The following KIAA2012 variants were observed in gnomAD, a reference collection of about 807,000 sequenced individuals.
KIAA2012 encodes the protein uncharacterized protein KIAA2012.
KIAA2012 carries 125 observed loss-of-function variants against 150.6 expected under a neutral mutation model. The ratio of observed to expected loss-of-function variants is 0.83; its 90% CI spans 0.72 to 0.96. The LOEUF (loss-of-function observed/expected upper bound fraction) is 0.96. KIAA2012 is among the 40% of genes least tolerant of loss of function. The pLI is 0.00. For missense variants in KIAA2012, 1,219 were observed against 1,354.9 expected (o/e 0.90, Z 1.57); for synonymous variants, 462 against 504.7 (o/e 0.92, Z 1.13).
chr2:202,133,130 A>ATATATATATATATTTTTTTTTTTTTT (rs1279080237), intron 12 of KIAA2012, among the ~76,000 whole-genome samples: 2 of 67,784 alleles, frequency 3.0e-5, no homozygotes, highest in Non-Finnish European at 2.9e-5. Context: ...ATATATATAT[A>ATATATATATATATTTTTTTTTTTTTT]TTTTTTTTTT....
chr2:202,204,774 T>C (rs954084154), intron 23 of KIAA2012, among the ~76,000 whole-genome samples: 2 of 152,192 alleles, frequency 1.3e-5, no homozygotes, highest in African/African-American at 4.8e-5. Context: ...AAACACTAGA[T>C]AGTATCAGTC....
Position 202,125,198 on chromosome 2 carries a change from T to A in KIAA2012, c.1763-16T>A. On this transcript the variant is annotated splice_polypyrimidine_tract_variant and intron_variant, in intron 11 of 23. Coordinates refer to ENST00000498697, the MANE Select transcript of KIAA2012 (RefSeq NM_001277372.4). Reference sequence around the variant, plus strand: ...CTTTTTCCCGCTCTCAGGTAAAATATCTTACTGTTTTTCAGCCTATGAATC... The same window carrying A: ...CTTTTTCCCGCTCTCAGGTAAAATAACTTACTGTTTTTCAGCCTATGAATC... 6.5e-7 allele frequency: 1 copy of A among 1,546,854 alleles called. No individual in the cohort carries two copies.
chr2:202,132,754 A>ATGTGTATATACTATATATGTATG (rs1553556827), intron 12 of KIAA2012, among the ~76,000 whole-genome samples: 5 of 106,256 alleles, frequency 4.7e-5, no homozygotes, highest in Non-Finnish European at 9.6e-5. Flanking sequence ...TATAGTATAT[A>ATGTGTATATACTATATATGTATG]TGTATATATA....
At chr2:202,186,009 T>C (rs1431491180) in intron 16 of KIAA2012, among the ~76,000 whole-genome samples, 2 of 151,996 alleles carry the variant, frequency 1.3e-5, no homozygotes, top group African/African-American at 4.8e-5. Flanking sequence ...AAAAATAAAA[T>C]AAAATGCCCA....
chr2:202,074,536 C>A (rs1468505938), intron 1 of KIAA2012, among the ~76,000 whole-genome samples: 1 of 152,170 alleles, frequency 6.6e-6, no homozygotes, highest in Non-Finnish European at 1.5e-5. Flanking sequence ...GCCAGCTAGT[C>A]CAGGTCTAAT....
chr2:202,127,314 T>G (rs1378250917), intron 12 of KIAA2012, among the ~76,000 whole-genome samples: 1 of 152,214 alleles, frequency 6.6e-6, no homozygotes, highest in Non-Finnish European at 1.5e-5. Context: ...CTTAAGATTC[T>G]GAAACTTCAG....
chr2:202,170,616 A>G (rs976336024), intron 15 of KIAA2012, among the ~76,000 whole-genome samples: 1 of 152,244 alleles, frequency 6.6e-6, no homozygotes, highest in African/African-American at 2.4e-5. Flanking sequence ...AGACAGCTCC[A>G]GTGAGTGGAG....
chr2:202,170,017 G>C (rs547731222), intron 15 of KIAA2012, among the ~76,000 whole-genome samples: 1 of 152,284 alleles, frequency 6.6e-6, no homozygotes, highest in African/African-American at 2.4e-5. Flanking sequence ...TCCAGGACTG[G>C]GGCGGGGCCT....
chr2:202,125,738 C>T, intron 12 of KIAA2012: 1 of 395,714 alleles, frequency 2.5e-6, no homozygotes, highest in East Asian at 7.9e-5. Flanking sequence ...TGCCTCTCCT[C>T]AGATTCCTTT....
chr2:202,140,180 A>T (rs1368439740), intron 13 of KIAA2012, among the ~76,000 whole-genome samples: 1 of 152,202 alleles, frequency 6.6e-6, no homozygotes, highest in Non-Finnish European at 1.5e-5. Flanking sequence ...ATGAGCCAAG[A>T]TCACTCCATT....
intron 14 of KIAA2012, 92 bp from the exon 15 acceptor site, chr2:202,165,192 C>G: frequency 4.1e-6 from 5 of 1,232,248 alleles, no homozygotes; most frequent in Non-Finnish European, 5.7e-6. Context: ...AACTGGCTTC[C>G]CTCTTACCAA....
intron 12 of KIAA2012, among the ~76,000 whole-genome samples, chr2:202,134,650 G>A (rs1296315216): frequency 6.6e-6 from 1 of 152,214 alleles, no homozygotes; most frequent in East Asian, 1.9e-4. Context: ...CGCCTCCTGG[G>A]TTCAAGTGAT....
At chr2:202,201,875 T>C in intron 22 of KIAA2012, 2 of 1,192,064 alleles carry the variant, frequency 1.7e-6, no homozygotes, top group Non-Finnish European at 1.3e-6. Context: ...GATATTGACC[T>C]TTGCTGTTCA....
At chr2:202,194,100 G>C (rs1487834503) in intron 20 of KIAA2012, 90 bp from the exon 21 acceptor site, 8 of 1,402,290 alleles carry the variant, frequency 5.7e-6, no homozygotes, top group Non-Finnish European at 7.7e-6. Context: ...GGGCTGCAGA[G>C]CCTCCCCCAT....
intron 22 of KIAA2012, chr2:202,201,734 C>A (rs545204359): frequency 2.0e-6 from 3 of 1,472,588 alleles, no homozygotes; most frequent in Admixed American, 3.3e-5. Flanking sequence ...CCCTGGGGTG[C>A]ACAAAGCTTG....
At chr2:202,143,911 C>T (rs1691249080) in intron 13 of KIAA2012, among the ~76,000 whole-genome samples, 1 of 152,118 alleles carries the variant, frequency 6.6e-6, no homozygotes, top group South Asian at 2.1e-4. Flanking sequence ...GCATAAAACT[C>T]TCATCCATCC....
At chr2:202,105,057 A>G (rs1347648820) in intron 8 of KIAA2012, among the ~76,000 whole-genome samples, 2 of 152,204 alleles carry the variant, frequency 1.3e-5, no homozygotes, top group African/African-American at 2.4e-5. Context: ...TTTACATGTC[A>G]TAAGGACCCT....
At position 202,190,453 on chromosome 2, in the gene KIAA2012, T is replaced by C; in HGVS notation, c.2771T>C (p.Met924Thr). 1 of 1,546,272 alleles carries C rather than the reference T, an allele frequency of 6.5e-7. No individual in the cohort carries two copies. ...PSQIATVTGNMESKEERRCED... is the reference protein window; with the variant it reads ...PSQIATVTGNTESKEERRCED... ...CAGATTGCAACTGTCACTGGCAACATGGAATCTAAAGAAGAGAGAAGATGT... is the reference window on the plus strand; with the variant it reads ...CAGATTGCAACTGTCACTGGCAACACGGAATCTAAAGAAGAGAGAAGATGT... The change falls in exon 19 of 24, where the codon ATG becomes ACG. Residue 924 changes from methionine to threonine, a missense_variant. By Grantham distance (81) the Met-to-Thr change is moderately conservative. Coordinates refer to ENST00000498697, the MANE Select transcript of KIAA2012 (RefSeq NM_001277372.4).
At chr2:202,108,623 G>C (rs893280932) in intron 9 of KIAA2012, among the ~76,000 whole-genome samples, 16 of 152,284 alleles carry the variant, frequency 1.1e-4, no homozygotes, top group Non-Finnish European at 2.1e-4. Flanking sequence ...CTCATAATGA[G>C]ATTCAGATCA....
Sources: gnomAD v4.1 joint callset for allele counts (sites outside exome capture counted in the v4.1 genomes callset) on GRCh38, gnomAD v4.1.1 for gene constraint, MANE v1.5 for transcripts, NCBI Gene and HGNC (gene_info 2026-07-23, HGNC 2026-07-21) for gene names.